The following RSPO2 variants were observed in gnomAD, a reference collection of about 807,000 sequenced individuals.
The protein encoded by RSPO2 is R-spondin-2.
In RSPO2, 14 loss-of-function variants were observed where a neutral mutation model predicts 30.9. The ratio of observed to expected loss-of-function variants is 0.45; its 90% CI spans 0.30 to 0.71. The LOEUF (loss-of-function observed/expected upper bound fraction) is 0.71, where lower values mean the gene tolerates loss of function less well. RSPO2 is among the 30% of genes least tolerant of loss of function. The pLI, the probability that RSPO2 is intolerant of heterozygous loss-of-function variation, is 0.08. For synonymous variants in RSPO2, 107 were observed against 96.4 expected, an observed-to-expected ratio of 1.11 and a Z score of -0.64; for missense variants, 264 against 301.9, an observed-to-expected ratio of 0.87 and a Z score of 0.93.
At chr8:108,013,364 C>T (rs547398264) in intron 2 of RSPO2, among the ~76,000 whole-genome samples, 43 of 152,288 alleles carry the variant, frequency 2.8e-4, no homozygotes, top group African/African-American at 9.1e-4. Flanking sequence ...CAAAGGCTTG[C>T]CCTAAAATTT....
chr8:107,999,974 T>C (rs1040813055), intron 2 of RSPO2, among the ~76,000 whole-genome samples: 1 of 152,144 alleles, frequency 6.6e-6, no homozygotes, highest in Non-Finnish European at 1.5e-5. Flanking sequence ...GAAAAATATA[T>C]GTATTTAACA....
chr8:107,992,629 G>T (rs1422684304), intron 2 of RSPO2, among the ~76,000 whole-genome samples: 2 of 152,082 alleles, frequency 1.3e-5, no homozygotes, highest in Non-Finnish European at 2.9e-5. Flanking sequence ...ATAAAGACAT[G>T]AGTTCTTAGA....
At chr8:107,952,736 A>C (rs1376725513) in intron 5 of RSPO2, among the ~76,000 whole-genome samples, 1 of 152,182 alleles carries the variant, frequency 6.6e-6, no homozygotes, top group East Asian at 1.9e-4. Flanking sequence ...AACCATCTTT[A>C]GTCATATTAC....
intron 2 of RSPO2, among the ~76,000 whole-genome samples, chr8:108,017,566 A>C (rs1810932969): frequency 1.3e-5 from 2 of 152,320 alleles, no homozygotes; most frequent in South Asian, 4.1e-4. Context: ...TGTTATGGAA[A>C]GTTATAAACA....
At chr8:108,000,211 A>AT (rs1815192906) in intron 2 of RSPO2, among the ~76,000 whole-genome samples, 1 of 152,160 alleles carries the variant, frequency 6.6e-6, no homozygotes, top group Admixed American at 6.5e-5. Flanking sequence ...CATTCTAACA[A>AT]TTTACACACA....
intron 5 of RSPO2, among the ~76,000 whole-genome samples, chr8:107,942,380 A>G (rs551805568): frequency 2.0e-5 from 3 of 152,254 alleles, no homozygotes; most frequent in Admixed American, 2.0e-4. Context: ...AATTGTCACA[A>G]TGATCTCCTA....
At chr8:108,016,312 A>C in intron 2 of RSPO2, among the ~76,000 whole-genome samples, 1 of 152,224 alleles carries the variant, frequency 6.6e-6, no homozygotes, top group Non-Finnish European at 1.5e-5. Flanking sequence ...TATTCAACAC[A>C]AGTTAGAGGC....
At chr8:107,951,050 T>TG (rs1554575802) in intron 5 of RSPO2, among the ~76,000 whole-genome samples, 1 of 69,798 alleles carries the variant, frequency 1.4e-5, no homozygotes, top group Non-Finnish European at 3.6e-5. Flanking sequence ...TAAGTTTTTT[T>TG]TTGTTGTTGT....
chr8:108,045,548 TATATA>T (rs1039823342), intron 2 of RSPO2, among the ~76,000 whole-genome samples: 2 of 152,160 alleles, frequency 1.3e-5, no homozygotes, highest in African/African-American at 4.8e-5. Flanking sequence ...CTCTGTTTAT[TATATA>T]ATATGATACA....
At chr8:108,075,581 G>T (rs549965512) in intron 2 of RSPO2, among the ~76,000 whole-genome samples, 4 of 151,440 alleles carry the variant, frequency 2.6e-5, no homozygotes, top group Non-Finnish European at 5.9e-5. Context: ...TAACAAACAA[G>T]TATACAGATA....
At chr8:108,063,763 A>G (rs1812559146) in intron 2 of RSPO2, among the ~76,000 whole-genome samples, 1 of 152,070 alleles carries the variant, frequency 6.6e-6, no homozygotes, top group Non-Finnish European at 1.5e-5. Context: ...GCATCACGCT[A>G]CCTGACTTCA....
chr8:107,985,810 G>C (rs1408472075), intron 3 of RSPO2, among the ~76,000 whole-genome samples: 1 of 152,174 alleles, frequency 6.6e-6, no homozygotes, highest in East Asian at 1.9e-4. Flanking sequence ...GTTAGTACAT[G>C]TATCACAGAA....
chr8:107,989,139 C>A lies in RSPO2; in HGVS notation c.200G>T (p.Gly67Val), dbSNP rs1455373749. Residue 67 changes from glycine to valine, a missense_variant, in exon 3 of 6, where the codon GGG becomes GTG. Transcript: ENST00000276659. ...CAGGCACTCTCCATACTGGCGCATC[C>A]CTTCTCTTCGAAGGAAGAAGAACAA... The part of the protein sequence containing the change: ...QKLFFFLRRE[G>V]MRQYGECLHS... The A allele has an allele frequency of 6.2e-7, 1 of 1,612,310 alleles. No homozygotes were observed. Among genetic ancestry groups the A allele is most frequent in the Admixed American group, 1.7e-5 (1 of 59,566 alleles).
intron 2 of RSPO2, among the ~76,000 whole-genome samples, chr8:108,013,333 T>C (rs1810767355): frequency 6.6e-6 from 1 of 152,226 alleles, no homozygotes; most frequent in East Asian, 1.9e-4. Context: ...CTGTTTCTGT[T>C]TCTTTACACT....
intron 3 of RSPO2, among the ~76,000 whole-genome samples, chr8:107,977,663 T>C (rs1412334437): frequency 6.6e-6 from 1 of 152,166 alleles, no homozygotes. Context: ...GGGGTGGTCC[T>C]GTTTGCCATT....
chr8:107,945,783 G>A (rs1231072222), intron 5 of RSPO2, among the ~76,000 whole-genome samples: 1 of 152,084 alleles, frequency 6.6e-6, no homozygotes. Context: ...AGCCTGCCCT[G>A]TTCATCCTGC....
intron 5 of RSPO2, among the ~76,000 whole-genome samples, chr8:107,934,723 C>T (rs1355257612): frequency 6.6e-6 from 1 of 152,154 alleles, no homozygotes; most frequent in Non-Finnish European, 1.5e-5. Flanking sequence ...GAAGCCATGG[C>T]AGAAGAACAT....
At chr8:107,970,687 C>G (rs997256627) in intron 3 of RSPO2, among the ~76,000 whole-genome samples, 3 of 152,160 alleles carry the variant, frequency 2.0e-5, no homozygotes, top group African/African-American at 7.2e-5. Context: ...GATCAGTTGT[C>G]TGTGGGTCAA....
chr8:108,060,233 T>A (rs1812408263), intron 2 of RSPO2, among the ~76,000 whole-genome samples: 2 of 151,762 alleles, frequency 1.3e-5, no homozygotes, highest in Admixed American at 1.3e-4. Flanking sequence ...ATCAAACTTC[T>A]CCAAGCTAAA....
Sources: allele counts gnomAD v4.1 joint callset (sites outside exome capture counted in the v4.1 genomes callset), GRCh38; gene constraint gnomAD v4.1.1; transcripts MANE v1.5; gene names NCBI Gene and HGNC (gene_info 2026-07-23, HGNC 2026-07-21).